The following FAM76A variants were observed in gnomAD, a reference collection of about 807,000 sequenced individuals.
The protein encoded by FAM76A is protein FAM76A.
FAM76A carries 32 observed loss-of-function variants against 46.2 expected under a neutral mutation model. That is an observed-to-expected ratio of 0.69 (90% CI 0.52 to 0.93). FAM76A has a LOEUF of 0.93. Among genes scored for constraint, FAM76A ranks in the 40% least tolerant of loss-of-function variants. FAM76A has a pLI of 0.00. For synonymous variants in FAM76A, 137 were observed against 127.0 expected (o/e 1.08, Z -0.53); for missense variants, 274 against 361.5 (o/e 0.76, Z 1.96).
At chr1:27,727,796 T>G (rs2087885952) in intron 2 of FAM76A, among the ~76,000 whole-genome samples, 1 of 138,038 alleles carries the variant, frequency 7.2e-6, no homozygotes, top group Admixed American at 8.4e-5. Flanking sequence ...CATTGATTGC[T>G]TAAATTTTTT....
chr1:27,750,256 T>C (rs2088310527), intron 6 of FAM76A, among the ~76,000 whole-genome samples: 1 of 152,244 alleles, frequency 6.6e-6, no homozygotes, highest in African/African-American at 2.4e-5. Context: ...ATTGCCTTTT[T>C]TGTTAACTTG....
intron 2 of FAM76A, 117 bp downstream of exon 2, chr1:27,727,653 T>G: frequency 2.7e-6 from 2 of 746,342 alleles, no homozygotes; most frequent in Non-Finnish European, 4.6e-6. Flanking sequence ...TACAGATCTG[T>G]AATCAATCAC....
At chr1:27,746,438 T>A (rs1327441462) in intron 5 of FAM76A, among the ~76,000 whole-genome samples, 1 of 152,076 alleles carries the variant, frequency 6.6e-6, no homozygotes, top group Non-Finnish European at 1.5e-5. Context: ...CACATAAGAA[T>A]CTAGCTGGGC....
Position 27,762,190 on chromosome 1 carries a change from C to T in FAM76A, c.*1609C>T, listed in dbSNP as rs1483338913. 2 of 152,132 alleles carry T rather than the reference C, an allele frequency of 1.3e-5. No homozygotes were observed. The highest frequency in any genetic ancestry group is 2.4e-5 in the African/African-American group (1 of 41,414). 9.4% of individuals were successfully genotyped at this position (152,132 alleles called of 1,614,324 possible). The stretch of plus-strand genomic sequence containing the variant: ...TCAACCAGAGTTATGTATGCCCTGC[C>T]TATCTTCCCTTCTTAACCCTGTAGG... On this transcript the variant is annotated 3_prime_UTR_variant, in exon 9 of 9. Transcript: ENST00000373954.
chr1:27,760,715 G>T lies in FAM76A; in HGVS notation c.*134G>T, dbSNP rs558097965. 6.2e-5 allele frequency: 35 copies of T among 564,882 alleles called. No homozygotes were observed. Among genetic ancestry groups the T allele is most frequent in the African/African-American group, 5.8e-4 (30 of 51,946 alleles). 35.0% of individuals were successfully genotyped at this position (564,882 alleles called of 1,614,324 possible). On this transcript the variant is annotated 3_prime_UTR_variant, in exon 9 of 9. Coordinates refer to ENST00000373954, the MANE Select transcript of FAM76A (RefSeq NM_152660.3). Reference sequence around the variant, plus strand: ...TTATTACAGTTATCCTTCTTTGTGCGATTGCAGTGGGCTGAATGGAAACAC... The same window carrying T: ...TTATTACAGTTATCCTTCTTTGTGCTATTGCAGTGGGCTGAATGGAAACAC...
At chr1:27,753,793 G>C (rs2088368361) in intron 6 of FAM76A, among the ~76,000 whole-genome samples, 1 of 152,216 alleles carries the variant, frequency 6.6e-6, no homozygotes. Flanking sequence ...TAGGATATAA[G>C]AACAGTGAGT....
intron 4 of FAM76A, among the ~76,000 whole-genome samples, chr1:27,742,160 T>A (rs1013376536): frequency 6.6e-6 from 1 of 152,156 alleles, no homozygotes; most frequent in Non-Finnish European, 1.5e-5. Context: ...CCTACCCATG[T>A]TCAAGATGAG....
At chr1:27,731,370 A>C (rs952564397) in intron 2 of FAM76A, among the ~76,000 whole-genome samples, 1 of 151,630 alleles carries the variant, frequency 6.6e-6, no homozygotes, top group African/African-American at 2.4e-5. Flanking sequence ...CGCCTGGCTA[A>C]TTTTTTTGAA....
intron 4 of FAM76A, among the ~76,000 whole-genome samples, chr1:27,743,358 T>C (rs1475474851): frequency 6.6e-6 from 1 of 152,190 alleles, no homozygotes; most frequent in Non-Finnish European, 1.5e-5. Context: ...TTTGCCACAT[T>C]GCCCCGAGTA....
At chr1:27,748,949 A>T in intron 5 of FAM76A, 119 bp from the exon 6 acceptor site, 1 of 597,258 alleles carries the variant, frequency 1.7e-6, no homozygotes, top group Non-Finnish European at 2.9e-6. Flanking sequence ...ATCAAGAATT[A>T]TTAGCTCTTG....
intron 4 of FAM76A, among the ~76,000 whole-genome samples, chr1:27,741,722 AAT>A (rs2088157163): frequency 6.6e-6 from 1 of 151,864 alleles, no homozygotes; most frequent in South Asian, 2.1e-4. Context: ...CTCTACTAAA[AAT>A]ATAAAAAAAT....
At chr1:27,739,381 T>C (rs2088111468) in intron 4 of FAM76A, 1 of 522,612 alleles carries the variant, frequency 1.9e-6, no homozygotes, top group African/African-American at 1.9e-5. Flanking sequence ...CCTCAAAAAC[T>C]GGTAGAATCT....
rs1394207808 is a variant in FAM76A at position 27,760,838 on chromosome 1, TTCTC to T, written c.*261_*264del. On this transcript the variant is annotated 3_prime_UTR_variant, in exon 9 of 9. Transcript: ENST00000373954. Reference sequence around the variant, plus strand: ...AGGACTTTTCTTTTTCTTCTTCCTCTTCTCTCTATTTTGGTTCTATTCTTTTTTT... The same window carrying T: ...AGGACTTTTCTTTTTCTTCTTCCTCTTCTATTTTGGTTCTATTCTTTTTTT... The T allele has an allele frequency of 1.0e-5, 2 of 192,032 alleles. No individual in the cohort carries two copies. 11.9% of individuals were successfully genotyped at this position (192,032 alleles called of 1,614,324 possible). A position where few individuals can be genotyped will look rare whatever the true frequency, so the allele number is the denominator to read the frequency against.
chr1:27,743,257 T>C (rs548754162), intron 4 of FAM76A, among the ~76,000 whole-genome samples: 53 of 152,092 alleles, frequency 3.5e-4, no homozygotes, highest in South Asian at 6.2e-4. Flanking sequence ...CTCAAGTGAT[T>C]CTCCCACCTC....
Position 27,726,276 on chromosome 1 carries a change from C to G in FAM76A, c.81+115C>G, listed in dbSNP as rs988043738. On this transcript the variant is annotated intron_variant, in intron 1 of 8. Transcript: ENST00000373954. ...CCGGAGCAGGGTGTGGCAGGCCCGC[C>G]AGGCTGAGGAGCCGCACCCACCCCG... 9.4e-6 allele frequency: 9 copies of G among 960,780 alleles called. No individual in the cohort carries two copies. In the African/African-American group the frequency reaches 1.5e-4, roughly 16 times the overall value. The allele number at this position is 960,780 out of a possible 1,614,324, so 59.5% of individuals were successfully genotyped here.
chr1:27,751,197 T>A (rs1023071025), intron 6 of FAM76A, among the ~76,000 whole-genome samples: 1 of 152,226 alleles, frequency 6.6e-6, no homozygotes, highest in Non-Finnish European at 1.5e-5. Flanking sequence ...ACATGCTAAT[T>A]TATTTTTCTA....
chr1:27,736,302 A>G (rs2088043359), intron 4 of FAM76A, among the ~76,000 whole-genome samples: 1 of 152,184 alleles, frequency 6.6e-6, no homozygotes, highest in African/African-American at 2.4e-5. Context: ...AGCCTGGGCA[A>G]CAGAGCAAGA....
chr1:27,734,985 A>G (rs2088020745), intron 4 of FAM76A, among the ~76,000 whole-genome samples: 1 of 152,246 alleles, frequency 6.6e-6, no homozygotes, highest in Non-Finnish European at 1.5e-5. Flanking sequence ...ACGGGTTTCC[A>G]GTTGTGCTTA....
At position 27,762,844 on chromosome 1, in the gene FAM76A, CT is replaced by C. The variant is rs1171717398; in HGVS notation, c.*2270del. 1 of 151,838 alleles carries C rather than the reference CT, an allele frequency of 6.6e-6. No homozygotes were observed. Among genetic ancestry groups the C allele is most frequent in the Non-Finnish European group, 1.5e-5 (1 of 67,960 alleles). 9.4% of individuals were successfully genotyped at this position (151,838 alleles called of 1,614,324 possible). On this transcript the variant is annotated 3_prime_UTR_variant, in exon 9 of 9. Transcript: ENST00000373954. The stretch of plus-strand genomic sequence containing the variant: ...AAACATACTTAGTTTTATACTAAAT[CT>C]TTTTTTAAGGTCTTGGCATTTAATA...
Sources: allele counts gnomAD v4.1 joint callset (sites outside exome capture counted in the v4.1 genomes callset), GRCh38; gene constraint gnomAD v4.1.1; transcripts MANE v1.5; gene names NCBI Gene and HGNC (gene_info 2026-07-23, HGNC 2026-07-21).